Variants in ESM1 observed in about 807,000 individuals in gnomAD.
The protein encoded by ESM1 is endothelial cell specific molecule 1.
A neutral mutation model predicts 14.9 loss-of-function variants in ESM1; 7 were observed. The observed-to-expected ratio is 0.47, with a 90% CI of 0.27 to 0.88. The LOEUF is 0.88. ESM1 is among the 40% of genes least tolerant of loss of function. The pLI, the probability that ESM1 is intolerant of heterozygous loss-of-function variation, is 0.14. For synonymous variants in ESM1, 89 were observed against 89.4 expected, an observed-to-expected ratio of 1.00 and a Z score of 0.02; for missense variants, 192 against 237.9, an observed-to-expected ratio of 0.81 and a Z score of 1.27.
chr5:54,985,311 G>T lies in ESM1; in HGVS notation c.207C>A (p.Val69=). The T allele has an allele frequency of 1.2e-6, 2 of 1,614,190 alleles. No homozygotes were observed. Among genetic ancestry groups the T allele is most frequent in the Non-Finnish European group, 1.7e-6 (2 of 1,180,030 alleles). The change falls in exon 1 of 3, where the codon GTC becomes GTA. Residue 69 remains valine, a synonymous_variant. Coordinates refer to ENST00000381405, the MANE Select transcript of ESM1 (RefSeq NM_007036.5). ...AGRGETCYRT[V]SGMDGMKCGP... Reference sequence around the variant, plus strand: ...CACACTTCATGCCATCCATGCCTGAGACTGTGCGGTAGCAAGTTTCTCCCC... The same window carrying T: ...CACACTTCATGCCATCCATGCCTGATACTGTGCGGTAGCAAGTTTCTCCCC...
Position 54,979,319 on chromosome 5 carries a change from A to T in ESM1, c.*13T>A, listed in dbSNP as rs1406906630. The T allele has an allele frequency of 2.9e-5, 47 of 1,597,682 alleles. No individual in the cohort carries two copies. The highest frequency in any genetic ancestry group is 3.8e-5 in the Non-Finnish European group (44 of 1,165,728). On this transcript the variant is annotated 3_prime_UTR_variant, in exon 3 of 3. Transcript: ENST00000381405. ...ACGAAAATAGAGCCTTCTCTCAGAA[A>T]TCACAGCCGGGATCAGCGTGGATTT... is the stretch of plus-strand genomic sequence containing the variant.
chr5:54,980,930 T>C (rs560011339), intron 2 of ESM1, among the ~76,000 whole-genome samples: 2 of 152,306 alleles, frequency 1.3e-5, no homozygotes, highest in South Asian at 2.1e-4. Flanking sequence ...TTATTTATAG[T>C]TGTGGTGGGA....
chr5:54,979,833 A>C (rs1202879065), intron 2 of ESM1, among the ~76,000 whole-genome samples: 1 of 152,236 alleles, frequency 6.6e-6, no homozygotes, highest in African/African-American at 2.4e-5. Context: ...ATGTTGTACA[A>C]ACAGGTCTCA....
chr5:54,984,867 T>C (rs1172497096), intron 1 of ESM1, among the ~76,000 whole-genome samples: 1 of 152,194 alleles, frequency 6.6e-6, no homozygotes. Context: ...AATCGCTGCC[T>C]CGCAGAGGAG....
intron 2 of ESM1, among the ~76,000 whole-genome samples, chr5:54,981,501 C>T (rs1403738831): frequency 6.6e-6 from 1 of 152,080 alleles, no homozygotes; most frequent in East Asian, 1.9e-4. Flanking sequence ...TAAAAACACA[C>T]ACTTGGAATT....
intron 1 of ESM1, 92 bp from the exon 2 acceptor site, chr5:54,982,238 C>T (rs1744067897): frequency 8.0e-7 from 1 of 1,256,622 alleles, no homozygotes; most frequent in Admixed American, 2.3e-5. Context: ...GCGATTTGAA[C>T]CAACCTCATG....
chr5:54,979,852 T>C (rs1436438895), intron 2 of ESM1, among the ~76,000 whole-genome samples: 2 of 152,220 alleles, frequency 1.3e-5, no homozygotes, highest in Non-Finnish European at 2.9e-5. Flanking sequence ...CAAGTTAGAT[T>C]CTTACACTAA....
chr5:54,985,185 C>T (rs1740509835), intron 1 of ESM1, 32 bp downstream of exon 1: 1 of 1,556,280 alleles, frequency 6.4e-7, no homozygotes, highest in Non-Finnish European at 8.7e-7. Context: ...CAGCATGCCC[C>T]GGGAGGGGAG....
chr5:54,981,542 A>T (rs1232859000), intron 2 of ESM1, among the ~76,000 whole-genome samples: 1 of 152,246 alleles, frequency 6.6e-6, no homozygotes, highest in Non-Finnish European at 1.5e-5. Flanking sequence ...TTTGGTTAAA[A>T]AAAAGAAACG....
chr5:54,981,154 G>C (rs1300961944), intron 2 of ESM1, among the ~76,000 whole-genome samples: 2 of 152,006 alleles, frequency 1.3e-5, no homozygotes, highest in Non-Finnish European at 2.9e-5. Context: ...CTTATTTTTT[G>C]TGATGGGAAC....
intron 2 of ESM1, 93 bp downstream of exon 2, chr5:54,981,904 A>G (rs1261344123): frequency 1.5e-6 from 2 of 1,296,524 alleles, no homozygotes; most frequent in Non-Finnish European, 1.1e-6. Context: ...AATCATTCCA[A>G]TCCACATCTT....
chr5:54,982,215 G>A, intron 1 of ESM1, 69 bp from the exon 2 acceptor site: 2 of 1,510,064 alleles, frequency 1.3e-6, no homozygotes, highest in Admixed American at 3.8e-5. Context: ...AACAGCCCTG[G>A]GTGCATAGCC....
rs1011954998 is a variant in ESM1, at chr5:54,978,036, C to A, written c.*1296G>T. The A allele has an allele frequency of 6.6e-6, 1 of 152,070 alleles. No individual in the cohort carries two copies. The allele number at this position is 152,070 out of a possible 1,614,324, so 9.4% of individuals were successfully genotyped here. A position where few individuals can be genotyped will look rare whatever the true frequency, so the allele number is the denominator to read the frequency against. ...TACTGAAATAATTCTTAAATAAGTT[C>A]TTCACTTCAAATAAAATACTTCTGA... On this transcript the variant is annotated 3_prime_UTR_variant, in exon 3 of 3. Coordinates refer to ENST00000381405, the MANE Select transcript of ESM1 (RefSeq NM_007036.5).
chr5:54,982,582 A>G (rs1386818620), intron 1 of ESM1, among the ~76,000 whole-genome samples: 2 of 152,202 alleles, frequency 1.3e-5, no homozygotes, highest in African/African-American at 4.8e-5. Flanking sequence ...GTATTCACAG[A>G]TAATTTACTA....
intron 2 of ESM1, 149 bp downstream of exon 2, chr5:54,981,848 A>T: frequency 2.8e-6 from 2 of 715,690 alleles, no homozygotes; most frequent in Non-Finnish European, 4.4e-6. Flanking sequence ...CAGCAACCAA[A>T]CTCAGCTACC....
In ESM1 at chr5:54,982,045, A is replaced by G; in HGVS notation, c.403T>C (p.Phe135Leu). 6.2e-7 allele frequency: 1 copy of G among 1,614,174 alleles called. No individual in the cohort carries two copies. Among genetic ancestry groups the G allele is most frequent in the Non-Finnish European group, 8.5e-7 (1 of 1,180,002 alleles). ...GTGKCLKFPF[F>L]QYSVTKSSNR... ...GAAGACTTGGTTACTGAATATTGGAAGAAGGGGAATTTCAGGCATTTTCCC... is the reference window on the plus strand; with the variant it reads ...GAAGACTTGGTTACTGAATATTGGAGGAAGGGGAATTTCAGGCATTTTCCC... The change falls in exon 2 of 3, where the codon TTC becomes CTC. Residue 135 changes from phenylalanine to leucine, a missense_variant. By Grantham distance (22) the Phe-to-Leu change is conservative. Coordinates refer to ENST00000381405, the MANE Select transcript of ESM1 (RefSeq NM_007036.5).
chr5:54,978,449 T>C lies in ESM1; in HGVS notation c.*883A>G, dbSNP rs1319546394. ...ACCTTATAGAGTCATAGTTTTATTCTAACCATTTTCAACAAATAATACTAG... is the reference window on the plus strand; with the variant it reads ...ACCTTATAGAGTCATAGTTTTATTCCAACCATTTTCAACAAATAATACTAG... On this transcript the variant is annotated 3_prime_UTR_variant, in exon 3 of 3. Coordinates refer to ENST00000381405, the MANE Select transcript of ESM1 (RefSeq NM_007036.5). 6.6e-6 allele frequency: 1 copy of C among 152,158 alleles called. No homozygotes were observed. Among genetic ancestry groups the C allele is most frequent in the Admixed American group, 6.5e-5 (1 of 15,272 alleles). The allele number at this position is 152,158 out of a possible 1,614,324, so 9.4% of individuals were successfully genotyped here. A position where few individuals can be genotyped will look rare whatever the true frequency, so the allele number is the denominator to read the frequency against.
In ESM1 at chr5:54,985,084, T is replaced by C. The variant is rs144169337; in HGVS notation, c.301+133A>G. ...TTCAGTCTCTACCCATGACAATACCTGTGTGGTGCCTTGTCAAGAATCCAC... is the reference window on the plus strand; with the variant it reads ...TTCAGTCTCTACCCATGACAATACCCGTGTGGTGCCTTGTCAAGAATCCAC... On this transcript the variant is annotated intron_variant, in intron 1 of 2. Transcript: ENST00000381405. 388 of 761,050 alleles carry C rather than the reference T, an allele frequency of 5.1e-4. 3 individuals carry two copies. The African/African-American group carries it at 6.0e-3, about 12-fold the overall frequency. The allele number at this position is 761,050 out of a possible 1,614,324, so 47.1% of individuals were successfully genotyped here.
intron 2 of ESM1, among the ~76,000 whole-genome samples, chr5:54,980,818 G>C (rs1744038285): frequency 6.6e-6 from 1 of 152,002 alleles, no homozygotes; most frequent in Non-Finnish European, 1.5e-5. Flanking sequence ...ATAAGAAGGA[G>C]GTAAAATTAG....
Sources: allele counts gnomAD v4.1 joint callset (sites outside exome capture counted in the v4.1 genomes callset), GRCh38; gene constraint gnomAD v4.1.1; transcripts MANE v1.5; gene names NCBI Gene and HGNC (gene_info 2026-07-23, HGNC 2026-07-21).